The following SERAC1 variants were observed in gnomAD, a reference collection of about 807,000 sequenced individuals.
The protein encoded by SERAC1 is protein SERAC1.
In SERAC1, 36 loss-of-function variants were observed where a neutral mutation model predicts 85.7. The ratio of observed to expected loss-of-function variants is 0.42; its 90% CI spans 0.32 to 0.55. SERAC1 has a LOEUF of 0.55. SERAC1 is among the 20% of genes least tolerant of loss of function. The probability of loss-of-function intolerance (pLI) is 0.11; values close to 1 mark genes in which losing one functional copy is unlikely to be tolerated. For missense variants in SERAC1, 629 were observed against 796.2 expected, an observed-to-expected ratio of 0.79 and a Z score of 2.53; for synonymous variants, 242 against 265.3, an observed-to-expected ratio of 0.91 and a Z score of 0.85.
chr6:158,114,750 TA>T (rs1784237912), intron 15 of SERAC1, 38 bp downstream of exon 15: 1 of 1,610,378 alleles, frequency 6.2e-7, no homozygotes, highest in African/African-American at 1.3e-5. Context: ...TAACTGATGT[TA>T]ATATAACCCC....
intron 10 of SERAC1, among the ~76,000 whole-genome samples, chr6:158,125,438 A>T (rs1784517912): frequency 6.6e-6 from 1 of 152,218 alleles, no homozygotes; most frequent in African/African-American, 2.4e-5. Context: ...ACCAATGGCC[A>T]GAACCTTGAT....
At chr6:158,147,072 T>G (rs1785079012) in intron 5 of SERAC1, among the ~76,000 whole-genome samples, 159 bp from the exon 6 acceptor site, 1 of 152,232 alleles carries the variant, frequency 6.6e-6, no homozygotes, top group Non-Finnish European at 1.5e-5. Context: ...TTCTCAATTC[T>G]GTCATATTAT....
intron 14 of SERAC1, among the ~76,000 whole-genome samples, chr6:158,115,487 G>A (rs906756229): frequency 1.3e-5 from 2 of 152,168 alleles, no homozygotes; most frequent in East Asian, 1.9e-4. Flanking sequence ...AGATCTAAAG[G>A]ATGATGACAG....
rs117528176 is a variant in SERAC1, at chr6:158,133,681, G to A, written c.739-3195C>T. On this transcript the variant is annotated intron_variant, in intron 8 of 16. Coordinates refer to ENST00000647468, the MANE Select transcript of SERAC1 (RefSeq NM_032861.4). ...ATTACAGGCGTAAGCCACTGCACCT[G>A]GCCCATCTCTGGTGTTTCTTCATAA... Among the ~76,000 whole-genome samples, 689 of 152,212 alleles carry A rather than the reference G, an allele frequency of 4.5e-3. 3 individuals are homozygous for A. The highest frequency in any genetic ancestry group is 6.8e-3 in the Non-Finnish European group (463 of 68,004).
At chr6:158,147,768 C>CAAAAAAAAAAAA in intron 5 of SERAC1, among the ~76,000 whole-genome samples, 1 of 68,934 alleles carries the variant, frequency 1.5e-5, no homozygotes, top group South Asian at 6.0e-4. Flanking sequence ...GGCTCTGTCT[C>CAAAAAAAAAAAA]AAAAAAAAAA....
intron 9 of SERAC1, among the ~76,000 whole-genome samples, chr6:158,129,701 G>GTTTT (rs34835862): frequency 7.3e-6 from 1 of 137,926 alleles, no homozygotes; most frequent in Non-Finnish European, 1.6e-5. Context: ...TTTTTGTTTT[G>GTTTT]TTTTTTTTTT....
chr6:158,150,705 T>C, intron 3 of SERAC1, 116 bp from the exon 4 acceptor site: 3 of 748,188 alleles, frequency 4.0e-6, no homozygotes, highest in Non-Finnish European at 4.5e-6. Flanking sequence ...AAACATAACA[T>C]GTATACAGTA....
Position 158,117,241 on chromosome 6 carries a change from T to G in SERAC1, c.1403+486A>C, listed in dbSNP as rs981965426. 2.2e-6 allele frequency: 1 copy of G among 454,856 alleles called. No individual in the cohort carries two copies. Among genetic ancestry groups the G allele is most frequent in the African/African-American group, 2.0e-5 (1 of 51,246 alleles). The allele number at this position is 454,856 out of a possible 1,614,324, so 28.2% of individuals were successfully genotyped here. ...AAAAGTTAACTGACTGGTCTAAGAC[T>G]GCACAGCAAATCAAAGGTAGGATCC... On this transcript the variant is annotated intron_variant, in intron 13 of 16. Coordinates refer to ENST00000647468, the MANE Select transcript of SERAC1 (RefSeq NM_032861.4). The surrounding 1 kb of genome is among the most constrained non-coding windows in gnomAD (Gnocchi z 4.3).
Position 158,117,713 on chromosome 6 carries a change from G to T in SERAC1, c.1403+14C>A. ...TTCTTCCCTGTCCTCCTGGTCTAAA[G>T]TCGCCTCTGTTACCTTTCCATAGGG... On this transcript the variant is annotated intron_variant, in intron 13 of 16. Coordinates refer to ENST00000647468, the MANE Select transcript of SERAC1 (RefSeq NM_032861.4). The surrounding 1 kb of genome is among the most constrained non-coding windows in gnomAD (Gnocchi z 4.3). 6.2e-7 allele frequency: 1 copy of T among 1,613,680 alleles called. No individual in the cohort carries two copies. The highest frequency in any genetic ancestry group is 8.5e-7 in the Non-Finnish European group (1 of 1,179,622).
At chr6:158,130,918 TAAAA>T (rs1562442665) in intron 8 of SERAC1, among the ~76,000 whole-genome samples, 1 of 152,190 alleles carries the variant, frequency 6.6e-6, no homozygotes, top group South Asian at 2.1e-4. Context: ...TTGGACAAGT[TAAAA>T]AGAAAGAACA....
At position 158,158,224 on chromosome 6, in the gene SERAC1, T is replaced by G. The variant is rs368584487; in HGVS notation, c.91+49A>C. On this transcript the variant is annotated intron_variant, in intron 2 of 16. Coordinates refer to ENST00000647468, the MANE Select transcript of SERAC1 (RefSeq NM_032861.4). Reference sequence around the variant, plus strand: ...GGCCCATCTTAGAAATGGCCACAATTCTATCACTGTTCCTATAAGAAAATA... The same window carrying G: ...GGCCCATCTTAGAAATGGCCACAATGCTATCACTGTTCCTATAAGAAAATA... 2.1e-6 allele frequency: 3 copies of G among 1,402,222 alleles called. No individual in the cohort carries two copies. In the African/African-American group the frequency reaches 4.3e-5, roughly 20 times the overall value. 86.9% of individuals were successfully genotyped at this position (1,402,222 alleles called of 1,614,324 possible).
chr6:158,112,986 A>AT, intron 16 of SERAC1: 1 of 163,308 alleles, frequency 6.1e-6, no homozygotes. Flanking sequence ...TCATGAAGAG[A>AT]TTGTAGTTCA....
rs145474374 is a variant in SERAC1 at position 158,138,012 on chromosome 6, G to T, written c.738+5044C>A. 1.5e-3 allele frequency among the ~76,000 whole-genome samples: 234 copies of T among 152,306 alleles called. 6 individuals are homozygous for T. In the East Asian group the frequency reaches 0.036, roughly 24 times the overall value. On this transcript the variant is annotated intron_variant, in intron 8 of 16. Transcript: ENST00000647468. ...GAAGACGCAGGTCCTCTCCAAGGCG[G>T]TGAATGTTAAAACACACAAACACAT... is the stretch of plus-strand genomic sequence containing the variant.
chr6:158,154,185 C>T (rs1351556919), intron 3 of SERAC1, among the ~76,000 whole-genome samples: 1 of 132,754 alleles, frequency 7.5e-6, no homozygotes, highest in Admixed American at 8.0e-5. Flanking sequence ...AAAAAAGAAT[C>T]CTCTGCTCTC....
intron 8 of SERAC1, among the ~76,000 whole-genome samples, chr6:158,134,691 G>C (rs774374022): frequency 2.2e-4 from 33 of 152,114 alleles, no homozygotes; most frequent in Non-Finnish European, 4.1e-4. Context: ...AATAAAATTA[G>C]GGGGAAAAAC....
Position 158,117,257 on chromosome 6 carries a change from G to C in SERAC1, c.1403+470C>G. The C allele has an allele frequency of 2.1e-6, 1 of 484,724 alleles. No homozygotes were observed. The highest frequency in any genetic ancestry group is 3.7e-6 in the Non-Finnish European group (1 of 273,012). 30.0% of individuals were successfully genotyped at this position (484,724 alleles called of 1,614,324 possible). ...GTCTAAGACTGCACAGCAAATCAAA[G>C]GTAGGATCCGGCTACTCTCAGTCCA... is the stretch of plus-strand genomic sequence containing the variant. On this transcript the variant is annotated intron_variant, in intron 13 of 16. Transcript: ENST00000647468. The surrounding 1 kb of genome is among the most constrained non-coding windows in gnomAD (Gnocchi z 4.3).
chr6:158,132,969 G>A (rs1217208387), intron 8 of SERAC1, among the ~76,000 whole-genome samples: 1 of 152,130 alleles, frequency 6.6e-6, no homozygotes, highest in Non-Finnish European at 1.5e-5. Context: ...TTAAGGAAGT[G>A]CACAGGAAAA....
intron 15 of SERAC1, 98 bp downstream of exon 15, chr6:158,114,691 T>TAAAATGAGATAATACATTCAAGGAATAA: frequency 6.3e-7 from 1 of 1,576,606 alleles, no homozygotes; most frequent in Non-Finnish European, 8.6e-7. Context: ...ATACAAATTA[T>TAAAATGAGATAATACATTCAAGGAATAA]AAAATGAGAT....
intron 1 of SERAC1, among the ~76,000 whole-genome samples, chr6:158,165,172 G>C (rs542234009): frequency 5.8e-4 from 84 of 143,870 alleles, no homozygotes; most frequent in African/African-American, 2.0e-3. Context: ...TTTTTTTTTT[G>C]AGACAGAGTC....
Sources: gnomAD v4.1 joint callset for allele counts (sites outside exome capture counted in the v4.1 genomes callset) on GRCh38, gnomAD v4.1.1 for gene constraint, Gnocchi (gnomAD v3.1) non-coding constraint, MANE v1.5 for transcripts, NCBI Gene and HGNC (gene_info 2026-07-23, HGNC 2026-07-21) for gene names.